The following CHST12 variants were observed in gnomAD, a reference collection of about 807,000 sequenced individuals.
CHST12 encodes the protein carbohydrate (chondroitin 4) sulfotransferase 12.
CHST12 carries 23 observed loss-of-function variants against 27.9 expected under a neutral mutation model. The ratio of observed to expected loss-of-function variants is 0.82; its 90% confidence interval spans 0.59 to 1.17. The LOEUF is 1.17. Among genes scored for constraint, CHST12 ranks in the 50% most tolerant of loss-of-function variants. CHST12 has a pLI of 0.00. For synonymous variants in CHST12, 322 were observed against 273.0 expected, an observed-to-expected ratio of 1.18 and a Z score of -1.77; for missense variants, 682 against 603.0, an observed-to-expected ratio of 1.13 and a Z score of -1.37.
chr7:2,413,848 C>G (rs1379757792), intron 1 of CHST12, among the ~76,000 whole-genome samples: 1 of 151,306 alleles, frequency 6.6e-6, no homozygotes, highest in Admixed American at 6.6e-5. Context: ...CCTGCCTCAG[C>G]CTCCCGAGTA....
rs1583232789 is a variant in CHST12 at position 2,439,948 on chromosome 7, G to C, written c.*6064G>C. On this transcript the variant is annotated 3_prime_UTR_variant, in exon 2 of 2. Transcript: ENST00000618655. ...TCACCCAGGCTGGTCTCAAACTCCT[G>C]AGCTCGAGTGCTCCTTCTGCCTCAG... 2.0e-5 allele frequency: 3 copies of C among 152,054 alleles called. No homozygotes were observed. The highest frequency in any genetic ancestry group is 7.2e-5 in the African/African-American group (3 of 41,408). 9.4% of individuals were successfully genotyped at this position (152,054 alleles called of 1,614,324 possible). A position where few individuals can be genotyped will look rare whatever the true frequency, so the allele number is the denominator to read the frequency against.
rs1205938733 is a variant in CHST12 at position 2,446,801 on chromosome 7, T to G, written c.*12917T>G. Reference sequence around the variant, plus strand: ...GAGTGCTGCAGCCCCGGGCCTCACATCCTGCCGTCCCTGTGGGAGATTGGA... The same window carrying G: ...GAGTGCTGCAGCCCCGGGCCTCACAGCCTGCCGTCCCTGTGGGAGATTGGA... On this transcript the variant is annotated 3_prime_UTR_variant, in exon 2 of 2. Transcript: ENST00000618655. 6.6e-6 allele frequency: 1 copy of G among 152,422 alleles called. No individual in the cohort carries two copies. Among genetic ancestry groups the G allele is most frequent in the Non-Finnish European group, 1.5e-5 (1 of 68,254 alleles). The allele number at this position is 152,422 out of a possible 1,614,324, so 9.4% of individuals were successfully genotyped here.
Position 2,444,590 on chromosome 7 carries a change from G to A in CHST12, c.*10706G>A, listed in dbSNP as rs1321520219. The A allele has an allele frequency of 6.6e-6, 1 of 152,294 alleles. No individual in the cohort carries two copies. Among genetic ancestry groups the A allele is most frequent in the Non-Finnish European group, 1.5e-5 (1 of 68,084 alleles). The allele number at this position is 152,294 out of a possible 1,614,324, so 9.4% of individuals were successfully genotyped here. ...CTCAGCCAGCACCAAGGCTGAAAGAGCCCATTCAGAGGCCAGAAAGAAACT... is the reference window on the plus strand; with the variant it reads ...CTCAGCCAGCACCAAGGCTGAAAGAACCCATTCAGAGGCCAGAAAGAAACT... On this transcript the variant is annotated 3_prime_UTR_variant, in exon 2 of 2. Transcript: ENST00000618655.
In CHST12 at chr7:2,448,192, A is replaced by G. The variant is rs1013078539; in HGVS notation, c.*14308A>G. On this transcript the variant is annotated 3_prime_UTR_variant, in exon 2 of 2. Transcript: ENST00000618655. ...CACAAACATATTTTAAATTTGAACA[A>G]TAAAGGAACTGGACCAGGAAGTGTG... 3 of 152,234 alleles carry G rather than the reference A, an allele frequency of 2.0e-5. No homozygotes were observed. Among genetic ancestry groups the G allele is most frequent in the Non-Finnish European group, 4.4e-5 (3 of 68,080 alleles). 9.4% of individuals were successfully genotyped at this position (152,234 alleles called of 1,614,324 possible).
intron 1 of CHST12, among the ~76,000 whole-genome samples, chr7:2,426,501 C>T (rs897366411): frequency 9.2e-5 from 14 of 151,962 alleles, no homozygotes; most frequent in African/African-American, 1.9e-4. Flanking sequence ...GGAAAGACTT[C>T]GCTGAGCTGG....
chr7:2,404,141 T>A (rs1781457978), intron 1 of CHST12: 1 of 152,198 alleles, frequency 6.6e-6, no homozygotes, highest in East Asian at 1.9e-4. Context: ...TGCTGTCACC[T>A]GAACGGGGCT....
intron 1 of CHST12, among the ~76,000 whole-genome samples, chr7:2,419,151 G>A (rs1036710632): frequency 3.3e-5 from 5 of 152,168 alleles, no homozygotes; most frequent in South Asian, 2.1e-4. Flanking sequence ...GCTCATGCCT[G>A]TATTCCCATC....
At position 2,435,514 on chromosome 7, in the gene CHST12, C is replaced by T. The variant is rs1782450543; in HGVS notation, c.*1630C>T. 6.6e-6 allele frequency: 1 copy of T among 152,202 alleles called. No homozygotes were observed. Among genetic ancestry groups the T allele is most frequent in the African/African-American group, 2.4e-5 (1 of 41,416 alleles). 9.4% of individuals were successfully genotyped at this position (152,202 alleles called of 1,614,324 possible). On this transcript the variant is annotated 3_prime_UTR_variant, in exon 2 of 2. Transcript: ENST00000618655. ...GCTCTGGAAACATCTGGCTGAAACT[C>T]CTTTGCTATTTCTGCTTCTAAGCTG...
intron 1 of CHST12, among the ~76,000 whole-genome samples, chr7:2,409,585 C>G (rs1338893776): frequency 2.0e-5 from 3 of 150,936 alleles, no homozygotes; most frequent in Non-Finnish European, 4.4e-5. Context: ...CCATCACACT[C>G]CACTCTAGCC....
intron 1 of CHST12, among the ~76,000 whole-genome samples, chr7:2,416,871 TCACATACGCCTTCTCCG>T (rs765182744): frequency 9.9e-5 from 15 of 152,112 alleles, no homozygotes; most frequent in Non-Finnish European, 4.4e-5. Flanking sequence ...TGGGGCAGAG[TCACATACGCCTTCTCCG>T]CACAGTAAAT....
chr7:2,416,805 G>A (rs991606305), intron 1 of CHST12, among the ~76,000 whole-genome samples: 4 of 152,204 alleles, frequency 2.6e-5, no homozygotes, highest in South Asian at 2.1e-4. Flanking sequence ...TCACATTTTT[G>A]TGAGGCTTTT....
At chr7:2,419,926 T>C (rs1290013222) in intron 1 of CHST12, among the ~76,000 whole-genome samples, 1 of 146,936 alleles carries the variant, frequency 6.8e-6, no homozygotes, top group African/African-American at 2.5e-5. Context: ...GGAATTTAAC[T>C]GCCCTGGGAA....
chr7:2,404,376 G>A (rs1468045501), intron 1 of CHST12, among the ~76,000 whole-genome samples: 1 of 152,064 alleles, frequency 6.6e-6, no homozygotes, highest in Non-Finnish European at 1.5e-5. Context: ...CAGAGGCTCC[G>A]TCTGGCAGGC....
chr7:2,420,717 C>A (rs1781948957), intron 1 of CHST12, among the ~76,000 whole-genome samples: 1 of 152,060 alleles, frequency 6.6e-6, no homozygotes, highest in Admixed American at 6.6e-5. Context: ...CCCAGGAGTT[C>A]AAGGCTGCAG....
intron 1 of CHST12, among the ~76,000 whole-genome samples, chr7:2,412,008 CGGGAA>C (rs1781679650): frequency 1.3e-5 from 2 of 152,110 alleles, no homozygotes; most frequent in African/African-American, 4.8e-5. Flanking sequence ...GGCTTAGAGA[CGGGAA>C]GGAAGAGAAC....
intron 1 of CHST12, 145 bp from the exon 2 acceptor site, chr7:2,432,418 G>C (rs1782296043): frequency 3.4e-6 from 2 of 592,182 alleles, no homozygotes; most frequent in African/African-American, 3.7e-5. Flanking sequence ...GCTGACCTCA[G>C]CCTCCAGCCC....
At chr7:2,411,432 T>A (rs1335684520) in intron 1 of CHST12, among the ~76,000 whole-genome samples, 3 of 151,264 alleles carry the variant, frequency 2.0e-5, no homozygotes, top group Non-Finnish European at 2.9e-5. Context: ...CTTAAACTGA[T>A]CATAGTGAGA....
intron 1 of CHST12, among the ~76,000 whole-genome samples, chr7:2,415,500 C>T (rs1166641135): frequency 6.6e-6 from 1 of 152,174 alleles, no homozygotes; most frequent in Non-Finnish European, 1.5e-5. Flanking sequence ...TCTGAGCCTT[C>T]AGCGAGTGGC....
Position 2,420,311 on chromosome 7 carries a change from A to G in CHST12, c.-77-12252A>G, listed in dbSNP as rs184725424. Among the ~76,000 whole-genome samples, 28 of 152,286 alleles carry G rather than the reference A, an allele frequency of 1.8e-4. No homozygotes were observed. The East Asian group carries it at 5.2e-3, about 28-fold the overall frequency. ...TTGTTTCTGGCTTATTTCACTGAGC[A>G]TAATGTCTTCAGGGTTCATCCATGT... On this transcript the variant is annotated intron_variant, in intron 1 of 1. Transcript: ENST00000618655.
Sources: allele counts gnomAD v4.1 joint callset (sites outside exome capture counted in the v4.1 genomes callset), GRCh38; gene constraint gnomAD v4.1.1; transcripts MANE v1.5; gene names NCBI Gene and HGNC (gene_info 2026-07-23, HGNC 2026-07-21).